CNTNAP2: variants seen among roughly 807,000 people sequenced by gnomAD.
CNTNAP2 encodes contactin-associated protein-like 2.
Under a neutral mutation model 155.2 loss-of-function variants are expected in CNTNAP2, and 98 were observed. The observed-to-expected ratio is 0.63, with a 90% CI of 0.54 to 0.75. The LOEUF (loss-of-function observed/expected upper bound fraction) is 0.75, where lower values mean the gene tolerates loss of function less well. Ranked by LOEUF, CNTNAP2 falls within the 30% of genes least tolerant of loss-of-function variation. CNTNAP2 has a pLI of 0.00. For missense variants in CNTNAP2, 1,727 were observed against 1,688.1 expected, an observed-to-expected ratio of 1.02 and a Z score of -0.40; for synonymous variants, 651 against 631.2, an observed-to-expected ratio of 1.03 and a Z score of -0.47.
At chr7:147,025,856 T>C (rs1798909648) in intron 3 of CNTNAP2, among the ~76,000 whole-genome samples, 1 of 141,588 alleles carries the variant, frequency 7.1e-6, no homozygotes, top group South Asian at 2.3e-4. Flanking sequence ...CTGTTGTTTT[T>C]TTTTTTTTTA....
At chr7:146,988,236 A>C (rs1405696652) in intron 3 of CNTNAP2, among the ~76,000 whole-genome samples, 1 of 152,150 alleles carries the variant, frequency 6.6e-6, no homozygotes, top group Non-Finnish European at 1.5e-5. Context: ...TTAATGTAGA[A>C]TATAACATTT....
intron 1 of CNTNAP2, among the ~76,000 whole-genome samples, chr7:146,484,832 C>G (rs771543143): frequency 6.6e-6 from 1 of 152,132 alleles, no homozygotes; most frequent in Non-Finnish European, 1.5e-5. Flanking sequence ...TGGAGCATTA[C>G]GTCTTTCCTC....
chr7:146,414,091 C>G (rs1480421534), intron 1 of CNTNAP2, among the ~76,000 whole-genome samples: 6 of 152,154 alleles, frequency 3.9e-5, no homozygotes, highest in African/African-American at 1.4e-4. Context: ...TATAAACAGC[C>G]AGGTTTGAAG....
chr7:146,462,653 T>G (rs1796655228), intron 1 of CNTNAP2, among the ~76,000 whole-genome samples: 1 of 152,334 alleles, frequency 6.6e-6, no homozygotes, highest in East Asian at 1.9e-4. Flanking sequence ...CAAAATAGTA[T>G]GTGTTCTGCA....
At chr7:148,313,146 A>C (rs1797624838) in intron 21 of CNTNAP2, among the ~76,000 whole-genome samples, 1 of 151,684 alleles carries the variant, frequency 6.6e-6, no homozygotes. Context: ...CAATACCCAC[A>C]ACAGTTACGG....
chr7:146,265,807 A>G (rs28465114), intron 1 of CNTNAP2, among the ~76,000 whole-genome samples: 4 of 152,106 alleles, frequency 2.6e-5, no homozygotes, highest in Non-Finnish European at 4.4e-5. Context: ...CAATTTGATC[A>G]TATTTTGAAA....
At chr7:146,798,324 C>T (rs1326099308) in intron 2 of CNTNAP2, among the ~76,000 whole-genome samples, 3 of 151,740 alleles carry the variant, frequency 2.0e-5, no homozygotes, top group African/African-American at 4.8e-5. Context: ...CAAACAGACA[C>T]AATCTGACAT....
intron 13 of CNTNAP2, among the ~76,000 whole-genome samples, chr7:147,741,814 CTCTACAGTACTGA>C (rs1796960965): frequency 6.6e-6 from 1 of 152,174 alleles, no homozygotes; most frequent in Non-Finnish European, 1.5e-5. Context: ...GTTTAAATGT[CTCTACAGTACTGA>C]TTCCATCCTA....
chr7:146,126,831 C>T (rs1797644428), intron 1 of CNTNAP2, among the ~76,000 whole-genome samples: 1 of 152,150 alleles, frequency 6.6e-6, no homozygotes, highest in Admixed American at 6.5e-5. Context: ...TTTGCCAGTC[C>T]TAATGCTTAA....
At chr7:146,498,882 G>A (rs700283) in intron 1 of CNTNAP2, among the ~76,000 whole-genome samples, 2 of 152,252 alleles carry the variant, frequency 1.3e-5, no homozygotes, top group Admixed American at 6.5e-5. Context: ...TCTCTCAAGA[G>A]CACTAATGTG....
chr7:148,327,650 CA>C (rs1463851301), intron 21 of CNTNAP2, among the ~76,000 whole-genome samples: 1 of 152,172 alleles, frequency 6.6e-6, no homozygotes, highest in Non-Finnish European at 1.5e-5. Flanking sequence ...CCCCAAACCA[CA>C]AAGTGGGATT....
intron 3 of CNTNAP2, among the ~76,000 whole-genome samples, chr7:146,927,786 T>C (rs574552196): frequency 6.6e-6 from 1 of 152,004 alleles, no homozygotes; most frequent in Non-Finnish European, 1.5e-5. Context: ...TTTGTGTGTG[T>C]GTATGTATAC....
At chr7:147,801,980 G>A (rs1255779386) in intron 13 of CNTNAP2, among the ~76,000 whole-genome samples, 6 of 151,528 alleles carry the variant, frequency 4.0e-5, no homozygotes, top group East Asian at 2.0e-4. Context: ...CCTCCCGGAC[G>A]GGGTGGCTGC....
At chr7:147,814,869 C>G (rs1798240889) in intron 13 of CNTNAP2, among the ~76,000 whole-genome samples, 1 of 152,006 alleles carries the variant, frequency 6.6e-6, no homozygotes, top group Non-Finnish European at 1.5e-5. Flanking sequence ...TTATTGGGTT[C>G]CTGGGGTAAC....
intron 1 of CNTNAP2, among the ~76,000 whole-genome samples, chr7:146,252,154 A>C (rs2116944702): frequency 6.6e-6 from 1 of 152,272 alleles, no homozygotes; most frequent in East Asian, 1.9e-4. Flanking sequence ...CTTTTGCTTA[A>C]TCATACCAAT....
intron 14 of CNTNAP2, among the ~76,000 whole-genome samples, chr7:147,947,410 G>A (rs376379728): frequency 9.2e-5 from 13 of 141,870 alleles, no homozygotes; most frequent in East Asian, 2.1e-4. Context: ...TTGAGCCCAG[G>A]AGTTCAAGAC....
intron 1 of CNTNAP2, among the ~76,000 whole-genome samples, chr7:146,641,866 T>G (rs925184240): frequency 6.6e-6 from 1 of 152,244 alleles, no homozygotes; most frequent in Admixed American, 6.5e-5. Flanking sequence ...TTTGTTGTTA[T>G]TATTTGCAAA....
intron 13 of CNTNAP2, among the ~76,000 whole-genome samples, chr7:147,747,087 A>G (rs1797056261): frequency 6.6e-6 from 1 of 152,218 alleles, no homozygotes; most frequent in Admixed American, 6.5e-5. Context: ...ACTGAAACTC[A>G]ATAATACAGC....
chr7:147,085,434 A>G (rs904849162), intron 4 of CNTNAP2, among the ~76,000 whole-genome samples: 1 of 152,028 alleles, frequency 6.6e-6, no homozygotes, highest in Non-Finnish European at 1.5e-5. Context: ...TGTGAACTGC[A>G]CATGCAAGGG....
Sources: allele counts gnomAD v4.1 joint callset (sites outside exome capture counted in the v4.1 genomes callset), GRCh38; gene constraint gnomAD v4.1.1; transcripts MANE v1.5; gene names NCBI Gene and HGNC (gene_info 2026-07-23, HGNC 2026-07-21).